STK3: variants seen among roughly 807,000 people sequenced by gnomAD.
STK3 encodes the protein serine/threonine kinase 3, also known as serine/threonine-protein kinase 3.
A neutral mutation model predicts 58.0 loss-of-function variants in STK3; 41 were observed. The observed-to-expected ratio is 0.71, with a 90% CI of 0.55 to 0.92. The LOEUF (loss-of-function observed/expected upper bound fraction) is 0.92, where lower values mean the gene tolerates loss of function less well. STK3 is among the 40% of genes least tolerant of loss of function. The pLI, the probability that STK3 is intolerant of heterozygous loss-of-function variation, is 0.00. For synonymous variants in STK3, 170 were observed against 191.0 expected (o/e 0.89, Z 0.91); for missense variants, 479 against 602.7 (o/e 0.79, Z 2.15).
intron 10 of STK3, among the ~76,000 whole-genome samples, chr8:98,479,038 G>C (rs1821611564): frequency 6.6e-6 from 1 of 152,174 alleles, no homozygotes; most frequent in African/African-American, 2.4e-5. Flanking sequence ...CAGTGGAGAA[G>C]ATGCAGGAAA....
chr8:98,747,089 CA>C (rs561765459), intron 4 of STK3, among the ~76,000 whole-genome samples: 841 of 78,654 alleles, frequency 0.011, 4 homozygotes, highest in Non-Finnish European at 0.016. Context: ...ACATTTTCAC[CA>C]AAAAAAAAAA....
chr8:98,365,860 T>G, the STK3 span, among the ~76,000 whole-genome samples: 1 of 152,232 alleles, frequency 6.6e-6, no homozygotes, highest in Admixed American at 6.5e-5. Context: ...TATATGTAGA[T>G]TGGCTCCATG....
chr8:98,730,994 CAGA>C (rs1828152919), intron 4 of STK3, among the ~76,000 whole-genome samples: 1 of 152,130 alleles, frequency 6.6e-6, no homozygotes, highest in Non-Finnish European at 1.5e-5. Context: ...CTCAAAAGTA[CAGA>C]AGGAGGAGGA....
chr8:98,881,124 C>T (rs906785506), downstream of STK3: 1 of 152,120 alleles, frequency 6.6e-6, no homozygotes, highest in African/African-American at 2.4e-5. Context: ...TTGAACATGA[C>T]AATGATTTCC....
chr8:98,789,441 A>T (rs1332023600), intron 1 of STK3, among the ~76,000 whole-genome samples: 2 of 152,202 alleles, frequency 1.3e-5, no homozygotes, highest in East Asian at 1.9e-4. Flanking sequence ...AACAAAAAAA[A>T]TACAAAAGAT....
chr8:98,761,335 G>T (rs1288515956), intron 3 of STK3, among the ~76,000 whole-genome samples: 1 of 151,840 alleles, frequency 6.6e-6, no homozygotes, highest in Non-Finnish European at 1.5e-5. Context: ...ATGTTGTTCA[G>T]GCTGGTCTTG....
chr8:98,396,492 A>T (rs1416756582), downstream of STK3, among the ~76,000 whole-genome samples: 4 of 152,222 alleles, frequency 2.6e-5, no homozygotes, highest in African/African-American at 9.6e-5. Flanking sequence ...GGGAGGAGGC[A>T]GTCTGCCCTG....
At chr8:98,777,879 C>T (rs1831808573) in intron 1 of STK3, among the ~76,000 whole-genome samples, 1 of 152,116 alleles carries the variant, frequency 6.6e-6, no homozygotes, top group South Asian at 2.1e-4. Context: ...AAAATTAATT[C>T]AAGATGGATT....
chr8:98,772,272 A>G (rs971408007), intron 2 of STK3, among the ~76,000 whole-genome samples: 3 of 152,196 alleles, frequency 2.0e-5, no homozygotes, highest in Non-Finnish European at 4.4e-5. Flanking sequence ...TCTTCTCCAA[A>G]TCTCATTTTG....
intron 8 of STK3, among the ~76,000 whole-genome samples, chr8:98,563,940 AC>A (rs1812264186): frequency 1.3e-5 from 2 of 152,022 alleles, no homozygotes; most frequent in South Asian, 4.1e-4. Flanking sequence ...GTGGAGAATA[AC>A]CCCCCACTTC....
chr8:98,873,884 T>G (rs1186032796), intron 3 of STK3, among the ~76,000 whole-genome samples: 1 of 152,198 alleles, frequency 6.6e-6, no homozygotes, highest in East Asian at 1.9e-4. Context: ...ATCCTGTCAT[T>G]ATGATGTTAG....
At chr8:98,842,127 T>C (rs946449905) in intron 3 of STK3, among the ~76,000 whole-genome samples, 1 of 152,128 alleles carries the variant, frequency 6.6e-6, no homozygotes, top group Non-Finnish European at 1.5e-5. Context: ...GTGAAGGGCA[T>C]GCAAGAAGCT....
chr8:98,378,025 G>A (rs1270218059), intron 2 of STK3, among the ~76,000 whole-genome samples: 1 of 152,304 alleles, frequency 6.6e-6, no homozygotes, highest in East Asian at 1.9e-4. Flanking sequence ...CTCCAGCAGT[G>A]CCACATACAG....
intron 3 of STK3, among the ~76,000 whole-genome samples, chr8:98,855,119 A>G (rs1462926162): frequency 6.6e-6 from 1 of 152,230 alleles, no homozygotes; most frequent in African/African-American, 2.4e-5. Context: ...CTATAGATTC[A>G]ATGCAATTCC....
chr8:98,903,534 T>C (rs1167794681), intron 1 of STK3, among the ~76,000 whole-genome samples: 2 of 32,020 alleles, frequency 6.2e-5, no homozygotes, highest in Non-Finnish European at 1.0e-4. Flanking sequence ...TTCTTCTTCT[T>C]CTTCTTCTTC....
intron 3 of STK3, among the ~76,000 whole-genome samples, chr8:98,749,847 A>G (rs1165003106): frequency 6.6e-6 from 1 of 151,988 alleles, no homozygotes; most frequent in Non-Finnish European, 1.5e-5. Flanking sequence ...ATTCTAGAGA[A>G]AAAAAATTAT....
chr8:98,518,568 A>G (rs985585941), intron 10 of STK3, among the ~76,000 whole-genome samples: 32 of 152,282 alleles, frequency 2.1e-4, no homozygotes, highest in African/African-American at 7.2e-4. Context: ...ACTTGTACAT[A>G]AACACTTTTC....
chr8:98,728,845 A>G (rs146555223), intron 4 of STK3, among the ~76,000 whole-genome samples: 106 of 152,348 alleles, frequency 7.0e-4, no homozygotes, highest in African/African-American at 2.4e-3. Flanking sequence ...ATTAACAATG[A>G]CATATCAAGC....
intron 1 of STK3, among the ~76,000 whole-genome samples, chr8:98,889,308 A>G (rs1564084334): frequency 6.6e-6 from 1 of 152,182 alleles, no homozygotes; most frequent in South Asian, 2.1e-4. Context: ...CGACAGCAGA[A>G]ATGGCTCTCT....
Sources: gnomAD v4.1 joint callset for allele counts (sites outside exome capture counted in the v4.1 genomes callset) on GRCh38, gnomAD v4.1.1 for gene constraint, MANE v1.5 for transcripts, NCBI Gene and HGNC (gene_info 2026-07-23, HGNC 2026-07-21) for gene names.